The following RIMS4 variants were observed in gnomAD, a reference collection of about 807,000 sequenced individuals.
RIMS4 encodes the protein regulating synaptic membrane exocytosis protein 4.
In RIMS4, 9 loss-of-function variants were observed where a neutral mutation model predicts 29.0. The observed-to-expected ratio is 0.31, with a 90% CI of 0.19 to 0.54. The LOEUF is 0.54. RIMS4 is among the 20% of genes least tolerant of loss of function. The pLI is 0.94. For missense variants in RIMS4, 193 were observed against 365.7 expected, an observed-to-expected ratio of 0.53 and a Z score of 3.85; for synonymous variants, 130 against 152.9, an observed-to-expected ratio of 0.85 and a Z score of 1.10.
rs2066055395 is a variant in RIMS4 at position 44,755,497 on chromosome 20, A to G, written c.*637T>C. On this transcript the variant is annotated 3_prime_UTR_variant, in exon 6 of 6. Coordinates refer to ENST00000372851, the MANE Select transcript of RIMS4 (RefSeq NM_182970.4). ...CCTCCTTTCCTTTGGTCCCTGCTGA[A>G]CCCCAATTCCTAGAGCCACCAGAAG... The G allele has an allele frequency of 1.3e-5, 2 of 152,826 alleles. No homozygotes were observed. Among genetic ancestry groups the G allele is most frequent in the South Asian group, 4.2e-4 (2 of 4,806 alleles). 9.5% of individuals were successfully genotyped at this position (152,826 alleles called of 1,614,324 possible).
intron 2 of RIMS4, among the ~76,000 whole-genome samples, chr20:44,768,991 G>T (rs2066125482): frequency 6.6e-6 from 1 of 152,204 alleles, no homozygotes; most frequent in Non-Finnish European, 1.5e-5. Flanking sequence ...CTCTGTAAGT[G>T]TCTGCACTGT....
At position 44,756,867 on chromosome 20, in the gene RIMS4, A is replaced by G; in HGVS notation, c.591+31T>C. Reference sequence around the variant, plus strand: ...ACTGTGCATGTGTGCTCGTGCACACACACACACGTGAGCGCGTCAATGCCC... The same window carrying G: ...ACTGTGCATGTGTGCTCGTGCACACGCACACACGTGAGCGCGTCAATGCCC... On this transcript the variant is annotated intron_variant, in intron 5 of 5. Transcript: ENST00000372851. The surrounding 1 kb of genome is among the most constrained non-coding windows in gnomAD (Gnocchi z 5.9). 6.2e-7 allele frequency: 1 copy of G among 1,609,618 alleles called. No individual in the cohort carries two copies. The highest frequency in any genetic ancestry group is 8.5e-7 in the Non-Finnish European group (1 of 1,177,458).
At chr20:44,802,609 A>G (rs745902159) in intron 1 of RIMS4, among the ~76,000 whole-genome samples, 62 of 152,212 alleles carry the variant, frequency 4.1e-4, no homozygotes, top group Non-Finnish European at 8.1e-4. Flanking sequence ...TTCCAGCTAC[A>G]GCGTGAAAGG....
At chr20:44,765,642 G>T (rs2145449538) in intron 2 of RIMS4, among the ~76,000 whole-genome samples, 1 of 152,306 alleles carries the variant, frequency 6.6e-6, no homozygotes, top group East Asian at 1.9e-4. Context: ...CACCCACCCA[G>T]GCTCCTGAGC....
intron 2 of RIMS4, among the ~76,000 whole-genome samples, chr20:44,764,069 T>TCCAC (rs2066098676): frequency 6.7e-6 from 1 of 148,774 alleles, no homozygotes; most frequent in Non-Finnish European, 1.5e-5. Flanking sequence ...CATCCATTTA[T>TCCAC]CCATCCATCC....
chr20:44,789,874 G>T (rs8114399), intron 1 of RIMS4, among the ~76,000 whole-genome samples: 2 of 152,232 alleles, frequency 1.3e-5, no homozygotes, highest in South Asian at 2.1e-4. Flanking sequence ...AACATGTGAA[G>T]ATTAATGGGC....
intron 2 of RIMS4, 47 bp downstream of exon 2, chr20:44,771,228 C>T (rs370428180): frequency 2.5e-6 from 4 of 1,579,632 alleles, no homozygotes; most frequent in Middle Eastern, 1.7e-4. Flanking sequence ...CCGTGCCCCA[C>T]CACAAAAGAC....
intron 1 of RIMS4, among the ~76,000 whole-genome samples, chr20:44,793,614 T>C (rs1248306535): frequency 1.3e-5 from 2 of 152,008 alleles, no homozygotes; most frequent in Non-Finnish European, 2.9e-5. Context: ...TCAGGGCCAT[T>C]TGGGCAGGGA....
intron 2 of RIMS4, among the ~76,000 whole-genome samples, chr20:44,769,430 G>C (rs8121320): frequency 0.057 from 8,734 of 152,214 alleles, 824 homozygotes; most frequent in African/African-American, 0.2. Flanking sequence ...TCAAACATGA[G>C]AGAGGTCCAC....
At chr20:44,762,522 G>A (rs1207570113) in intron 2 of RIMS4, among the ~76,000 whole-genome samples, 1 of 152,230 alleles carries the variant, frequency 6.6e-6, no homozygotes, top group Non-Finnish European at 1.5e-5. Context: ...GCCTGAAATT[G>A]AAAGTTTCCT....
chr20:44,771,185 C>T, intron 2 of RIMS4, 90 bp downstream of exon 2: 2 of 1,475,078 alleles, frequency 1.4e-6, no homozygotes, highest in Non-Finnish European at 1.8e-6. Context: ...CTGGAGCTGC[C>T]CTAGGGCTCC....
At chr20:44,779,827 C>T (rs550534287) in intron 1 of RIMS4, among the ~76,000 whole-genome samples, 2 of 152,212 alleles carry the variant, frequency 1.3e-5, no homozygotes, top group South Asian at 2.1e-4. Flanking sequence ...GGATTAACCA[C>T]GGTGTGAACT....
At chr20:44,785,912 C>T (rs2066206548) in intron 1 of RIMS4, among the ~76,000 whole-genome samples, 1 of 152,120 alleles carries the variant, frequency 6.6e-6, no homozygotes, top group South Asian at 2.1e-4. Context: ...TTGGTGTTGT[C>T]TGCCAAGATC....
chr20:44,756,397 T>G lies in RIMS4; in HGVS notation c.592-45A>C. ...GTGGTTCAAATCCTGCCAGTGCCAC[T>G]CACAGGCCCAGAAGCAGAACCTGGG... On this transcript the variant is annotated intron_variant, in intron 5 of 5. Coordinates refer to ENST00000372851, the MANE Select transcript of RIMS4 (RefSeq NM_182970.4). The surrounding 1 kb of genome is among the most constrained non-coding windows in gnomAD (Gnocchi z 5.9). 6.5e-7 allele frequency: 1 copy of G among 1,536,488 alleles called. No homozygotes were observed. Among genetic ancestry groups the G allele is most frequent in the Non-Finnish European group, 8.9e-7 (1 of 1,119,272 alleles).
intron 1 of RIMS4, among the ~76,000 whole-genome samples, chr20:44,785,452 C>G (rs1409992163): frequency 6.6e-6 from 1 of 152,190 alleles, no homozygotes; most frequent in Non-Finnish European, 1.5e-5. Context: ...CTCAAGGGAT[C>G]CTCCTGCCTT....
At chr20:44,759,189 C>CA (rs945445023) in intron 2 of RIMS4, among the ~76,000 whole-genome samples, 8 of 152,052 alleles carry the variant, frequency 5.3e-5, no homozygotes, top group African/African-American at 1.9e-4. Flanking sequence ...AAAGCACTTG[C>CA]AACCCATTTT....
chr20:44,763,853 G>A (rs545624313), intron 2 of RIMS4, among the ~76,000 whole-genome samples: 49 of 152,264 alleles, frequency 3.2e-4, no homozygotes, highest in African/African-American at 1.1e-3. Context: ...AAATTAAAAG[G>A]TTGCACAGCC....
intron 1 of RIMS4, among the ~76,000 whole-genome samples, chr20:44,800,004 C>T (rs943255263): frequency 6.6e-6 from 1 of 152,158 alleles, no homozygotes. Flanking sequence ...GCCCGTTTTG[C>T]GATGAGGAAA....
At chr20:44,775,671 G>C (rs972389611) in intron 1 of RIMS4, among the ~76,000 whole-genome samples, 4 of 152,044 alleles carry the variant, frequency 2.6e-5, no homozygotes, top group Non-Finnish European at 5.9e-5. Context: ...TGCTTCCCTG[G>C]GTCTGTTCTG....
Sources: gnomAD v4.1 joint callset for allele counts (sites outside exome capture counted in the v4.1 genomes callset) on GRCh38, gnomAD v4.1.1 for gene constraint, Gnocchi (gnomAD v3.1) non-coding constraint, MANE v1.5 for transcripts, NCBI Gene and HGNC (gene_info 2026-07-23, HGNC 2026-07-21) for gene names.